The following CIB4 variants were observed in gnomAD, a reference collection of about 807,000 sequenced individuals.
CIB4 encodes calcium and integrin-binding family member 4.
A neutral mutation model predicts 25.8 loss-of-function variants in CIB4; 25 were observed. The ratio of observed to expected loss-of-function variants is 0.97; its 90% CI spans 0.71 to 1.35. CIB4 has a LOEUF of 1.35. Among genes scored for constraint, CIB4 ranks in the 40% most tolerant of loss-of-function variants. The probability of loss-of-function intolerance (pLI) is 0.00; values close to 1 mark genes in which losing one functional copy is unlikely to be tolerated. For missense variants in CIB4, 235 were observed against 228.2 expected (o/e 1.03, Z -0.19); for synonymous variants, 75 against 81.4 (o/e 0.92, Z 0.42).
At chr2:26,630,780 T>G (rs1479155155) in intron 2 of CIB4, among the ~76,000 whole-genome samples, 1 of 151,968 alleles carries the variant, frequency 6.6e-6, no homozygotes, top group Non-Finnish European at 1.5e-5. Flanking sequence ...GTCAGCGCAG[T>G]GTTTGGTAGG....
chr2:26,595,232 A>C lies in CIB4; in HGVS notation c.272T>G (p.Val91Gly), dbSNP rs543171798. 8.1e-6 allele frequency: 13 copies of C among 1,614,036 alleles called. No homozygotes were observed. The highest frequency in any genetic ancestry group is 1.1e-5 in the Non-Finnish European group (13 of 1,180,006). Residue 91 changes from valine to glycine, a missense_variant, in exon 4 of 7, where the codon GTG becomes GGG. By Grantham distance (109) the Val-to-Gly change is moderately radical. Coordinates refer to ENST00000288861, the MANE Select transcript of CIB4 (RefSeq NM_001029881.3). ...SFEDVLGMASVFSEQACPSLK... is the reference protein window; with the variant it reads ...SFEDVLGMASGFSEQACPSLK... ...GCTTGGGCAGGCCTGCTCGCTGAAC[A>C]CAGATGCCATGCCCAGCACATCCTC...
At chr2:26,616,994 G>T (rs1024122793) in intron 3 of CIB4, among the ~76,000 whole-genome samples, 1 of 152,154 alleles carries the variant, frequency 6.6e-6, no homozygotes, top group Admixed American at 6.5e-5. Context: ...GCCTGTGAGG[G>T]GTCAGGAGTC....
chr2:26,608,347 G>C (rs988037184), intron 3 of CIB4, among the ~76,000 whole-genome samples: 1 of 152,108 alleles, frequency 6.6e-6, no homozygotes, highest in Admixed American at 6.5e-5. Flanking sequence ...ATTGAGGCTA[G>C]AGAATGACAG....
intron 3 of CIB4, among the ~76,000 whole-genome samples, chr2:26,600,113 G>T (rs1235459684): frequency 2.8e-5 from 4 of 141,446 alleles, no homozygotes; most frequent in Admixed American, 2.1e-4. Flanking sequence ...TATTGACTGG[G>T]CGCAGTGGCT....
At chr2:26,639,786 G>A (rs1055345897) in intron 2 of CIB4, among the ~76,000 whole-genome samples, 72 of 151,838 alleles carry the variant, frequency 4.7e-4, no homozygotes, top group African/African-American at 1.6e-3. Context: ...GACTGGGGAG[G>A]GTTAGTCCAA....
intron 2 of CIB4, among the ~76,000 whole-genome samples, chr2:26,630,528 G>A (rs1453671224): frequency 2.0e-5 from 3 of 152,182 alleles, no homozygotes; most frequent in Non-Finnish European, 4.4e-5. Context: ...AGGCTGAAGG[G>A]TATGTGTGTT....
At chr2:26,617,798 C>T (rs1205974820) in intron 3 of CIB4, among the ~76,000 whole-genome samples, 1 of 152,140 alleles carries the variant, frequency 6.6e-6, no homozygotes, top group Non-Finnish European at 1.5e-5. Context: ...CTGAGTGTAG[C>T]GTTCCCAGAG....
At chr2:26,620,162 A>C (rs550104340) in intron 3 of CIB4, among the ~76,000 whole-genome samples, 2 of 101,668 alleles carry the variant, frequency 2.0e-5, no homozygotes, top group African/African-American at 7.9e-5. Flanking sequence ...ACACCACCCC[A>C]ATCTCCATCC....
chr2:26,581,228 C>T lies in CIB4; in HGVS notation c.*135G>A. ...GCTAAGGAAAAGCTTTTTCTTTTAT[C>T]TAATAAACAATATTCTAGAGGTGAG... On this transcript the variant is annotated 3_prime_UTR_variant, in exon 7 of 7. Transcript: ENST00000288861. The T allele has an allele frequency of 1.4e-6, 1 of 703,524 alleles. No individual in the cohort carries two copies. Among genetic ancestry groups the T allele is most frequent in the Admixed American group, 2.6e-5 (1 of 38,808 alleles). 43.6% of individuals were successfully genotyped at this position (703,524 alleles called of 1,614,324 possible). A position where few individuals can be genotyped will look rare whatever the true frequency, so the allele number is the denominator to read the frequency against.
chr2:26,597,703 A>G (rs902351369), intron 3 of CIB4, among the ~76,000 whole-genome samples: 4 of 152,198 alleles, frequency 2.6e-5, no homozygotes, highest in African/African-American at 7.2e-5. Flanking sequence ...AAATGTATAC[A>G]GTTTATAAAT....
chr2:26,613,123 G>C (rs1458006240), intron 3 of CIB4, among the ~76,000 whole-genome samples: 3 of 152,162 alleles, frequency 2.0e-5, no homozygotes, highest in Non-Finnish European at 4.4e-5. Context: ...CTTTCTAGGA[G>C]AGTGGGTTTT....
chr2:26,594,431 A>G (rs1444068063), intron 4 of CIB4, among the ~76,000 whole-genome samples: 1 of 152,184 alleles, frequency 6.6e-6, no homozygotes, highest in Non-Finnish European at 1.5e-5. Flanking sequence ...CAGAAATGAG[A>G]TGGAGTCCAC....
intron 3 of CIB4, among the ~76,000 whole-genome samples, chr2:26,617,145 T>TGTGCGTGC (rs1669109721): frequency 7.2e-6 from 1 of 139,026 alleles, no homozygotes; most frequent in African/African-American, 2.6e-5. Context: ...TGTGTGTGTG[T>TGTGCGTGC]GTGCACGTGA....
chr2:26,607,258 A>G (rs1487108615), intron 3 of CIB4, among the ~76,000 whole-genome samples: 1 of 152,192 alleles, frequency 6.6e-6, no homozygotes, highest in Non-Finnish European at 1.5e-5. Flanking sequence ...GACATCTACA[A>G]GATTTTCCCA....
chr2:26,589,138 TTCTCCTTCC>T lies in CIB4; in HGVS notation c.329-5249_329-5241del, dbSNP rs1398464742. On this transcript the variant is annotated intron_variant, in intron 4 of 6. Transcript: ENST00000288861. ...CTTCTTCTTCTTCTTCTTCTTCTTCTTCTCCTTCCCCTTCCCCTTCCCCTTCTCCTTCTC... is the reference window on the plus strand; with the variant it reads ...CTTCTTCTTCTTCTTCTTCTTCTTCTCCTTCCCCTTCCCCTTCTCCTTCTC... 3.7e-3 allele frequency among the ~76,000 whole-genome samples: 469 copies of T among 126,430 alleles called. 28 individuals are homozygous for T. Among genetic ancestry groups the T allele is most frequent in the African/African-American group, 0.015 (443 of 30,276 alleles). 82.9% of individuals were successfully genotyped at this position (126,430 alleles called of 152,430 possible). A position where few individuals can be genotyped will look rare whatever the true frequency, so the allele number is the denominator to read the frequency against.
chr2:26,623,746 A>G (rs1010083171), intron 3 of CIB4: 7 of 320,166 alleles, frequency 2.2e-5, no homozygotes, highest in Non-Finnish European at 3.3e-5. Context: ...CAGGGGGGTG[A>G]GGTGGCCCCG....
At chr2:26,599,958 A>T (rs1313046956) in intron 3 of CIB4, among the ~76,000 whole-genome samples, 1 of 145,852 alleles carries the variant, frequency 6.9e-6, no homozygotes, top group East Asian at 1.9e-4. Context: ...CTGTAGTCCC[A>T]GCTACTCAGG....
At chr2:26,604,426 G>C (rs903005569) in intron 3 of CIB4, among the ~76,000 whole-genome samples, 1 of 151,952 alleles carries the variant, frequency 6.6e-6, no homozygotes, top group Non-Finnish European at 1.5e-5. Context: ...CCAGAGGCAG[G>C]AAACACACAG....
At position 26,590,258 on chromosome 2, in the gene CIB4, T is replaced by TAAAAAA. The variant is rs869097756; in HGVS notation, c.328+4912_328+4917dup. 7.6e-4 allele frequency among the ~76,000 whole-genome samples: 47 copies of TAAAAAA among 61,830 alleles called. 6 individuals carry two copies. Among genetic ancestry groups the TAAAAAA allele is most frequent in the African/African-American group, 2.9e-3 (39 of 13,676 alleles). 40.6% of individuals were successfully genotyped at this position (61,830 alleles called of 152,430 possible). The stretch of plus-strand genomic sequence containing the variant: ...CCTGGAGCTGGGGCCCAAGCATCTG[T>TAAAAAA]AAAAAAAAAAAAAAAAAAAAAAAAA... On this transcript the variant is annotated intron_variant, in intron 4 of 6. Coordinates refer to ENST00000288861, the MANE Select transcript of CIB4 (RefSeq NM_001029881.3).
Sources: allele counts gnomAD v4.1 joint callset (sites outside exome capture counted in the v4.1 genomes callset), GRCh38; gene constraint gnomAD v4.1.1; transcripts MANE v1.5; gene names NCBI Gene and HGNC (gene_info 2026-07-23, HGNC 2026-07-21).